Variants in RYR3 observed in about 807,000 individuals in gnomAD.
RYR3 encodes the protein ryanodine receptor 3.
RYR3 carries 207 observed loss-of-function variants against 584.3 expected under a neutral mutation model. The ratio of observed to expected loss-of-function variants is 0.35; its 90% CI spans 0.32 to 0.40. The LOEUF (loss-of-function observed/expected upper bound fraction) is 0.40, where lower values mean the gene tolerates loss of function less well. Ranked by LOEUF, RYR3 falls within the 10% of genes least tolerant of loss-of-function variation. The pLI is 1.00. For synonymous variants in RYR3, 2,416 were observed against 2,248.5 expected (o/e 1.07, Z -2.11); for missense variants, 5,616 against 6,089.2 (o/e 0.92, Z 2.59).
chr15:33,393,726 A>G (rs1199437015), intron 1 of RYR3, among the ~76,000 whole-genome samples: 1 of 152,186 alleles, frequency 6.6e-6, no homozygotes, highest in South Asian at 2.1e-4. Flanking sequence ...CCGCTATTGG[A>G]TGCTGGCGCA....
intron 1 of RYR3, 184 bp from the exon 2 acceptor site, chr15:33,473,235 G>T (rs558598603): frequency 3.9e-6 from 3 of 764,096 alleles, no homozygotes; most frequent in South Asian, 1.4e-5. Flanking sequence ...TCTGACTCAC[G>T]GTAGATGCTC....
intron 3 of RYR3, among the ~76,000 whole-genome samples, chr15:33,508,044 G>A (rs530431514): frequency 3.3e-4 from 50 of 152,064 alleles, no homozygotes; most frequent in Non-Finnish European, 5.3e-4. Flanking sequence ...CTCCAAATGG[G>A]TTCTGACATG....
At chr15:33,551,305 T>C (rs1254290595) in intron 10 of RYR3, among the ~76,000 whole-genome samples, 3 of 152,190 alleles carry the variant, frequency 2.0e-5, no homozygotes, top group Admixed American at 6.5e-5. Flanking sequence ...TTTGCTCTTT[T>C]CCAGAAATAA....
At chr15:33,341,683 C>A (rs1034247242) in intron 1 of RYR3, among the ~76,000 whole-genome samples, 2 of 152,054 alleles carry the variant, frequency 1.3e-5, no homozygotes, top group Non-Finnish European at 2.9e-5. Flanking sequence ...GGCTAATTCT[C>A]TCATGGAACC....
chr15:33,554,162 C>T (rs2056895659), intron 10 of RYR3, among the ~76,000 whole-genome samples: 1 of 152,080 alleles, frequency 6.6e-6, no homozygotes, highest in Non-Finnish European at 1.5e-5. Flanking sequence ...CCACACATAC[C>T]CCACCCTGCT....
At chr15:33,587,833 T>C (rs1042597609) in intron 16 of RYR3, among the ~76,000 whole-genome samples, 1 of 152,178 alleles carries the variant, frequency 6.6e-6, no homozygotes, top group Non-Finnish European at 1.5e-5. Flanking sequence ...CCATCACTAA[T>C]GTATTTGTGG....
intron 86 of RYR3, among the ~76,000 whole-genome samples, chr15:33,833,738 G>C (rs137921392): frequency 0.018 from 2,800 of 152,294 alleles, 90 homozygotes; most frequent in African/African-American, 0.064. Flanking sequence ...ATGGTTTCTA[G>C]GGATCAGACA....
chr15:33,380,215 C>G (rs2141182653), intron 1 of RYR3, among the ~76,000 whole-genome samples: 1 of 152,232 alleles, frequency 6.6e-6, no homozygotes, highest in Admixed American at 6.5e-5. Context: ...CTAATATTAA[C>G]CATCACAGAA....
At position 33,603,209 on chromosome 15, in the gene RYR3, A is replaced by G; in HGVS notation, c.2009A>G (p.Asp670Gly). ...TTCGAGCTGATTATCGACCAGGTGG[A>G]CCCCTTCCTAACAGCAGAGCCCACA... is the stretch of plus-strand genomic sequence containing the variant. ...WYFELIIDQVDPFLTAEPTHL... is the reference protein window; with the variant it reads ...WYFELIIDQVGPFLTAEPTHL... The change falls in exon 18 of 104, where the codon GAC (aspartate) becomes GGC (glycine). Residue 670 changes from aspartate to glycine, a missense_variant. Physicochemically the swap from Asp to Gly is moderately conservative, Grantham distance 94. This residue lies in a region of RYR3 where 1,284 missense variants were observed against 1,344.6 expected (regional missense o/e 0.95). Transcript: ENST00000634891. 1 of 1,613,630 alleles carries G rather than the reference A, an allele frequency of 6.2e-7. No individual in the cohort carries two copies. The highest frequency in any genetic ancestry group is 8.5e-7 in the Non-Finnish European group (1 of 1,179,800).
chr15:33,827,155 C>T (rs945050300), intron 84 of RYR3, 44 bp from the exon 85 acceptor site: 11 of 1,499,258 alleles, frequency 7.3e-6, no homozygotes, highest in South Asian at 2.4e-5. Context: ...TTGGCCCCCT[C>T]GGCATGGCAG....
chr15:33,634,805 C>G (rs2061425676), intron 25 of RYR3, 72 bp downstream of exon 25: 2 of 1,275,068 alleles, frequency 1.6e-6, no homozygotes, highest in African/African-American at 2.9e-5. Context: ...ATCCTAACTT[C>G]AAATAGGTCT....
At chr15:33,694,190 T>G (rs1380605449) in intron 38 of RYR3, among the ~76,000 whole-genome samples, 1 of 151,614 alleles carries the variant, frequency 6.6e-6, no homozygotes, top group African/African-American at 2.4e-5. Context: ...TTATTTCTTT[T>G]GTGCTCTCAT....
At chr15:33,649,289 C>A in intron 31 of RYR3, 54 bp downstream of exon 31, 1 of 1,542,878 alleles carries the variant, frequency 6.5e-7, no homozygotes. Context: ...AGTCCCTCCC[C>A]CCAGTCTTTT....
At chr15:33,356,616 GATTAT>G (rs988673091) in intron 1 of RYR3, among the ~76,000 whole-genome samples, 31 of 152,182 alleles carry the variant, frequency 2.0e-4, no homozygotes, top group Non-Finnish European at 3.1e-4. Flanking sequence ...AAATGAGAAT[GATTAT>G]AGACACATAA....
chr15:33,541,618 C>G (rs1021162352), intron 7 of RYR3, among the ~76,000 whole-genome samples: 1 of 152,096 alleles, frequency 6.6e-6, no homozygotes, highest in South Asian at 2.1e-4. Flanking sequence ...TTTAAAAATA[C>G]TCATCACAGG....
At chr15:33,519,719 T>A (rs1349886006) in intron 3 of RYR3, among the ~76,000 whole-genome samples, 4 of 151,902 alleles carry the variant, frequency 2.6e-5, no homozygotes, top group Admixed American at 6.6e-5. Flanking sequence ...TAGAATGAAA[T>A]CATGAGAGGT....
At position 33,325,964 on chromosome 15, in the gene RYR3, G is replaced by A. The variant is rs998938230; in HGVS notation, c.51+14868G>A. On this transcript the variant is annotated intron_variant, in intron 1 of 103. Transcript: ENST00000634891. ...CTACAGGCATGTGCCACCATGCCTCGCTAATTTTTGTAGTTTTTGTAGAGA... is the reference window on the plus strand; with the variant it reads ...CTACAGGCATGTGCCACCATGCCTCACTAATTTTTGTAGTTTTTGTAGAGA... 2.0e-5 allele frequency among the ~76,000 whole-genome samples: 3 copies of A among 151,998 alleles called. No individual in the cohort carries two copies. In the East Asian group the frequency reaches 5.8e-4, roughly 29 times the overall value.
intron 2 of RYR3, among the ~76,000 whole-genome samples, chr15:33,487,201 G>GAAAA (rs61232070): frequency 7.6e-5 from 11 of 144,588 alleles, no homozygotes; most frequent in African/African-American, 2.8e-4. Context: ...CCATCTCAAA[G>GAAAA]AAAAAAAAAA....
At chr15:33,754,375 G>A (rs2071607572) in intron 57 of RYR3, among the ~76,000 whole-genome samples, 1 of 152,156 alleles carries the variant, frequency 6.6e-6, no homozygotes, top group South Asian at 2.1e-4. Flanking sequence ...ATGGCCTGTA[G>A]GGACGTACAT....
Sources: gnomAD v4.1 joint callset for allele counts (sites outside exome capture counted in the v4.1 genomes callset) on GRCh38, gnomAD v4.1.1 for gene constraint, gnomAD v4.1.1 regional missense constraint, MANE v1.5 for transcripts, NCBI Gene and HGNC (gene_info 2026-07-23, HGNC 2026-07-21) for gene names.